COQ5: variants seen among roughly 807,000 people sequenced by gnomAD.
COQ5 encodes 2-methoxy-6-polyprenyl-1,4-benzoquinol methylase, mitochondrial.
Under a neutral mutation model 40.5 loss-of-function variants are expected in COQ5, and 27 were observed. The ratio of observed to expected loss-of-function variants is 0.67; its 90% CI spans 0.49 to 0.92. COQ5 has a LOEUF of 0.92. COQ5 is among the 40% of genes least tolerant of loss of function. The pLI, the probability that COQ5 is intolerant of heterozygous loss-of-function variation, is 0.00. For synonymous variants in COQ5, 141 were observed against 150.0 expected (o/e 0.94, Z 0.44); for missense variants, 409 against 406.4 (o/e 1.01, Z -0.06).
At chr12:120,516,349 G>A (rs1321840581) in intron 3 of COQ5, among the ~76,000 whole-genome samples, 1 of 152,052 alleles carries the variant, frequency 6.6e-6, no homozygotes, top group African/African-American at 2.4e-5. Context: ...AGTGATCCCA[G>A]TCACATAGGG....
At chr12:120,508,374 G>A (rs571729168) in intron 4 of COQ5, among the ~76,000 whole-genome samples, 7 of 151,970 alleles carry the variant, frequency 4.6e-5, no homozygotes, top group African/African-American at 1.7e-4. Context: ...GTGACAGAGT[G>A]AGAGTCCGTC....
intron 5 of COQ5, 197 bp downstream of exon 5, chr12:120,504,698 C>A: frequency 1.7e-6 from 1 of 595,416 alleles, no homozygotes; most frequent in East Asian, 3.0e-5. Flanking sequence ...AAGTCAATTT[C>A]TTAATATACA....
intron 1 of COQ5, among the ~76,000 whole-genome samples, chr12:120,528,331 G>T (rs1181394476): frequency 6.6e-6 from 1 of 152,192 alleles, no homozygotes; most frequent in African/African-American, 2.4e-5. Context: ...GCCACTTACT[G>T]ATATGTTCAA....
At chr12:120,520,093 T>C (rs1869571908) in intron 2 of COQ5, among the ~76,000 whole-genome samples, 1 of 151,640 alleles carries the variant, frequency 6.6e-6, no homozygotes, top group Non-Finnish European at 1.5e-5. Context: ...TTACTAATTA[T>C]CAAATTATTA....
At chr12:120,526,839 G>C (rs112638868) in intron 1 of COQ5, 2 of 160,872 alleles carry the variant, frequency 1.2e-5, no homozygotes, top group Non-Finnish European at 2.6e-5. Context: ...CTCAGCCTCC[G>C]GAGTAGCTGG....
At chr12:120,509,853 A>T (rs1200428357) in intron 4 of COQ5, 164 bp downstream of exon 4, 1 of 649,126 alleles carries the variant, frequency 1.5e-6, no homozygotes, top group Non-Finnish European at 2.8e-6. Context: ...TGGGAGGCAG[A>T]TGTGGAAGGA....
At chr12:120,521,666 A>G (rs1869663259) in intron 2 of COQ5, among the ~76,000 whole-genome samples, 1 of 128,458 alleles carries the variant, frequency 7.8e-6, no homozygotes, top group African/African-American at 3.0e-5. Context: ...GAGACAGAGC[A>G]AGACTCCATC....
chr12:120,504,662 T>G (rs746896659), intron 5 of COQ5: 2 of 522,290 alleles, frequency 3.8e-6, no homozygotes, highest in Non-Finnish European at 6.9e-6. Context: ...GACCAGGCAT[T>G]TCCTGATTTT....
chr12:120,525,267 T>C (rs1167702), intron 1 of COQ5, among the ~76,000 whole-genome samples: 40,366 of 151,836 alleles, frequency 0.27, 6,553 homozygotes, highest in Admixed American at 0.39. Context: ...GCCTGGCTAA[T>C]TTTTGTATTT....
chr12:120,523,476 CGCT>C, intron 1 of COQ5: 1 of 301,918 alleles, frequency 3.3e-6, no homozygotes, highest in Admixed American at 3.9e-5. Context: ...GCCTGCTCCC[CGCT>C]GCTGCTCCTA....
intron 3 of COQ5, among the ~76,000 whole-genome samples, chr12:120,516,293 G>C (rs1178371178): frequency 1.3e-5 from 2 of 152,162 alleles, no homozygotes; most frequent in Non-Finnish European, 2.9e-5. Flanking sequence ...ATCTGCCACT[G>C]AGAAGTTGTG....
At chr12:120,521,688 A>G (rs1869666915) in intron 2 of COQ5, among the ~76,000 whole-genome samples, 1 of 150,222 alleles carries the variant, frequency 6.7e-6, no homozygotes, top group African/African-American at 2.5e-5. Context: ...CCAAAAAAAA[A>G]AAAAAAAAGG....
At chr12:120,515,668 T>C (rs1202556473) in intron 3 of COQ5, among the ~76,000 whole-genome samples, 2 of 152,130 alleles carry the variant, frequency 1.3e-5, no homozygotes, top group Non-Finnish European at 2.9e-5. Context: ...AGAAAAGCCT[T>C]TAGACCTTAA....
chr12:120,516,848 C>G, intron 2 of COQ5, 60 bp from the exon 3 acceptor site: 1 of 1,475,238 alleles, frequency 6.8e-7, no homozygotes, highest in Non-Finnish European at 9.5e-7. Context: ...AAGGAAGAAA[C>G]AGCATTTCCT....
intron 5 of COQ5, chr12:120,504,616 T>C: frequency 4.9e-6 from 2 of 409,138 alleles, no homozygotes; most frequent in Non-Finnish European, 9.1e-6. Context: ...AGCAACGTTA[T>C]TGCCACTAAT....
chr12:120,524,192 G>A (rs984339461), intron 1 of COQ5, among the ~76,000 whole-genome samples: 3 of 152,070 alleles, frequency 2.0e-5, no homozygotes, highest in Non-Finnish European at 2.9e-5. Flanking sequence ...CACAGACTGT[G>A]GAATCTGGGA....
rs1869397051 is a variant in COQ5, at chr12:120,516,801, A to G, written c.353-13T>C. ...AATGCAATGTCACCTGTGGGAAGCC[A>G]ACATGAGGAAAGATGCAGACTAAAA... On this transcript the variant is annotated splice_polypyrimidine_tract_variant and intron_variant, in intron 2 of 6. Transcript: ENST00000288532. 6.2e-7 allele frequency: 1 copy of G among 1,606,122 alleles called. No homozygotes were observed. The highest frequency in any genetic ancestry group is 1.1e-5 in the South Asian group (1 of 90,910).
intron 4 of COQ5, among the ~76,000 whole-genome samples, chr12:120,506,452 T>G (rs1037541698): frequency 6.6e-6 from 1 of 151,540 alleles, no homozygotes; most frequent in Non-Finnish European, 1.5e-5. Context: ...CTGCAACCTC[T>G]GCCTCCTAGG....
At chr12:120,528,012 A>G (rs1441681167) in intron 1 of COQ5, among the ~76,000 whole-genome samples, 1 of 141,150 alleles carries the variant, frequency 7.1e-6, no homozygotes, top group African/African-American at 2.7e-5. Flanking sequence ...AAAAAAAAAA[A>G]AAAAAAAAAA....
Sources: gnomAD v4.1 joint callset for allele counts (sites outside exome capture counted in the v4.1 genomes callset) on GRCh38, gnomAD v4.1.1 for gene constraint, MANE v1.5 for transcripts, NCBI Gene and HGNC (gene_info 2026-07-23, HGNC 2026-07-21) for gene names.